The following ACP6 variants were observed in gnomAD, a reference collection of about 807,000 sequenced individuals.
ACP6 encodes the protein acid phosphatase 6, lysophosphatidic, also known as lysophosphatidic acid phosphatase type 6.
ACP6 carries 48 observed loss-of-function variants against 48.1 expected under a neutral mutation model. The observed-to-expected ratio is 1.00, with a 90% CI of 0.79 to 1.27. The LOEUF is 1.27. Ranked by LOEUF, ACP6 falls within the 50% of genes most tolerant of loss-of-function variation. The pLI, the probability that ACP6 is intolerant of heterozygous loss-of-function variation, is 0.00. For synonymous variants in ACP6, 172 were observed against 204.2 expected (o/e 0.84, Z 1.34); for missense variants, 485 against 529.1 (o/e 0.92, Z 0.82).
At chr1:147,662,175 G>A (rs1660579397) in intron 1 of ACP6, among the ~76,000 whole-genome samples, 1 of 152,202 alleles carries the variant, frequency 6.6e-6, no homozygotes, top group East Asian at 1.9e-4. Flanking sequence ...ACTGCTCATT[G>A]ACAATGCACC....
chr1:147,654,142 G>A (rs374778975), intron 6 of ACP6, 52 bp downstream of exon 6: 124 of 1,597,204 alleles, frequency 7.8e-5, no homozygotes, highest in Non-Finnish European at 1.0e-4. Flanking sequence ...TTCTAACTCC[G>A]GAGCCAGCCC....
At chr1:147,657,040 C>G (rs1660293322) in intron 4 of ACP6, among the ~76,000 whole-genome samples, 2 of 152,258 alleles carry the variant, frequency 1.3e-5, no homozygotes, top group South Asian at 2.1e-4. Context: ...TTGGTATCTG[C>G]CCGGGGAGAG....
Position 147,669,940 on chromosome 1 carries a change from C to T in ACP6, c.109G>A (p.Ala37Thr). 2 of 1,554,806 alleles carry T rather than the reference C, an allele frequency of 1.3e-6. No individual in the cohort carries two copies. The highest frequency in any genetic ancestry group is 1.7e-6 in the Non-Finnish European group (2 of 1,149,666). Residue 37 changes from alanine to threonine, a missense_variant, in exon 1 of 10, where the codon GCC becomes ACC. By Grantham distance (58) the Ala-to-Thr change is moderately conservative. Coordinates refer to ENST00000583509, the MANE Select transcript of ACP6 (RefSeq NM_016361.5). Reference protein sequence around the residue: ...RRVALAELQEADGQCPVDRSL... With the variant: ...RRVALAELQETDGQCPVDRSL... ...CGGTCGACCGGACACTGGCCATCGGCCTCCTGCAGCTCGGCCAGGGCCACC... is the reference window on the plus strand; with the variant it reads ...CGGTCGACCGGACACTGGCCATCGGTCTCCTGCAGCTCGGCCAGGGCCACC...
At position 147,647,504 on chromosome 1, in the gene ACP6, C is replaced by T. The variant is rs782505855; in HGVS notation, c.1206G>A (p.Met402Ile). The change falls in exon 10 of 10, where the codon ATG becomes ATA. Residue 402 changes from methionine to isoleucine, a missense_variant. Transcript: ENST00000583509. The stretch of plus-strand genomic sequence containing the variant: ...TTTCTGGGCTTAAGGTATAAACTGA[C>T]ATGGCATTCAAGAACATGTCCAGCG... Reference protein sequence around the residue: ...LCPLDMFLNAMSVYTLSPEKY... With the variant: ...LCPLDMFLNAISVYTLSPEKY... 13 of 1,614,024 alleles carry T rather than the reference C, an allele frequency of 8.1e-6. No homozygotes were observed. The East Asian group carries it at 2.5e-4, about 30-fold the overall frequency.
downstream of ACP6, among the ~76,000 whole-genome samples, chr1:147,639,559 G>A (rs1483182717): frequency 1.3e-5 from 2 of 152,124 alleles, no homozygotes; most frequent in South Asian, 2.1e-4. Context: ...TTCCTCCCAA[G>A]CTCAGCAATT....
At position 147,652,691 on chromosome 1, in the gene ACP6, C is replaced by T. The variant is rs1456216099; in HGVS notation, c.781-142G>A. The T allele has an allele frequency of 3.8e-6, 6 of 1,569,890 alleles. 1 individual carries two copies. In the African/African-American group the frequency reaches 8.3e-5, roughly 22 times the overall value. ...GCTCAAGAACAGCTATGTCTGTTAA[C>T]AGGTCAAGAAGCTATGTCTCTAAAG... On this transcript the variant is annotated intron_variant, in intron 6 of 9. Coordinates refer to ENST00000583509, the MANE Select transcript of ACP6 (RefSeq NM_016361.5).
intron 4 of ACP6, among the ~76,000 whole-genome samples, chr1:147,658,169 C>G (rs587756302): frequency 6.6e-6 from 1 of 152,202 alleles, no homozygotes; most frequent in Non-Finnish European, 1.5e-5. Flanking sequence ...GAGGGCAAGA[C>G]CAGATTCCTC....
Position 147,655,261 on chromosome 1 carries a change from G to A in ACP6, c.560-13C>T, listed in dbSNP as rs902787240. 5 of 1,588,806 alleles carry A rather than the reference G, an allele frequency of 3.1e-6. No homozygotes were observed. Among genetic ancestry groups the A allele is most frequent in the Non-Finnish European group, 2.6e-6 (3 of 1,164,370 alleles). On this transcript the variant is annotated splice_polypyrimidine_tract_variant and intron_variant, in intron 4 of 9. Transcript: ENST00000583509. ...ATGATGATGGGTCCTGGAAGAAAGG[G>A]AGGAAGCACAGGCAGGCAGAGGCTT...
downstream of ACP6, among the ~76,000 whole-genome samples, chr1:147,637,624 T>C (rs1659331430): frequency 6.6e-6 from 1 of 152,150 alleles, no homozygotes; most frequent in African/African-American, 2.4e-5. Context: ...AGGATAGCCA[T>C]TGCACATTTA....
chr1:147,657,466 G>C (rs7551847), intron 4 of ACP6, among the ~76,000 whole-genome samples: 30,880 of 152,000 alleles, frequency 0.2, 3,619 homozygotes, highest in African/African-American at 0.29. Flanking sequence ...TGTCACCCAG[G>C]CTGGAGTGCA....
chr1:147,659,569 C>A lies in ACP6; in HGVS notation c.349-43G>T, dbSNP rs782379923. 3.1e-6 allele frequency: 5 copies of A among 1,613,628 alleles called. No individual in the cohort carries two copies. The African/African-American group carries it at 5.3e-5, about 17-fold the overall frequency. On this transcript the variant is annotated intron_variant, in intron 2 of 9. Coordinates refer to ENST00000583509, the MANE Select transcript of ACP6 (RefSeq NM_016361.5). ...GAGAAAGAAGAATGAAAACACCTGA[C>A]AGCCTGCTGAACTCAGCCCAGAGAA... is the stretch of plus-strand genomic sequence containing the variant.
At chr1:147,640,023 C>T (rs1659407393), downstream of ACP6, among the ~76,000 whole-genome samples, 1 of 152,122 alleles carries the variant, frequency 6.6e-6, no homozygotes, top group African/African-American at 2.4e-5. Flanking sequence ...TCTTGGCTTA[C>T]AGTAAGCTGC....
intron 9 of ACP6, chr1:147,648,019 G>C: frequency 1.8e-6 from 1 of 570,306 alleles, no homozygotes; most frequent in African/African-American, 1.9e-5. Context: ...GTTCCTAGGA[G>C]TCTGTAACAG....
In ACP6 at chr1:147,659,861, T is replaced by C. The variant is rs1215341483; in HGVS notation, c.220-86A>G. ...TAACATCTCAAGCACTCAGAACACA[T>C]GGCTGGAATCACTGACACTAGGCCT... On this transcript the variant is annotated intron_variant, in intron 1 of 9. Coordinates refer to ENST00000583509, the MANE Select transcript of ACP6 (RefSeq NM_016361.5). 8 of 1,502,368 alleles carry C rather than the reference T, an allele frequency of 5.3e-6. No homozygotes were observed. In the East Asian group the frequency reaches 1.4e-4, roughly 26 times the overall value. The allele number at this position is 1,502,368 out of a possible 1,614,324, so 93.1% of individuals were successfully genotyped here.
chr1:147,655,933 CAGAG>C (rs1553211541), intron 4 of ACP6, among the ~76,000 whole-genome samples: 3 of 152,122 alleles, frequency 2.0e-5, no homozygotes, highest in East Asian at 3.9e-4. Context: ...TGCTCTGTGT[CAGAG>C]ATGGCAAGTG....
At chr1:147,631,867 C>A (rs1659173685) in intron 5 of ACP6, among the ~76,000 whole-genome samples, 1 of 152,066 alleles carries the variant, frequency 6.6e-6, no homozygotes, top group South Asian at 2.1e-4. Context: ...CACTTTCTTC[C>A]TTAAGACCCT....
chr1:147,638,214 G>A (rs115262679), downstream of ACP6, among the ~76,000 whole-genome samples: 22 of 152,266 alleles, frequency 1.4e-4, no homozygotes, highest in Non-Finnish European at 2.5e-4. Context: ...ACAAATAATC[G>A]CTAATATTGT....
intron 5 of ACP6, among the ~76,000 whole-genome samples, chr1:147,635,450 C>T (rs78712378): frequency 0.027 from 4,099 of 152,330 alleles, 79 homozygotes; most frequent in Non-Finnish European, 0.043. Context: ...CTCCCCCAGA[C>T]GCTGAGCCTA....
rs1355972152 is a variant in ACP6 at position 147,642,645 on chromosome 1, G to C, written c.*4778C>G. On this transcript the variant is annotated 3_prime_UTR_variant, in exon 10 of 10. Transcript: ENST00000583509. Reference sequence around the variant, plus strand: ...GGGTGGCCTTGGGCCCCGGAGAGAAGTGACAGAGGGGATATGTCATTCAAA... The same window carrying C: ...GGGTGGCCTTGGGCCCCGGAGAGAACTGACAGAGGGGATATGTCATTCAAA... 6.6e-6 allele frequency: 1 copy of C among 152,186 alleles called. No homozygotes were observed. Among genetic ancestry groups the C allele is most frequent in the African/African-American group, 2.4e-5 (1 of 41,428 alleles). 9.4% of individuals were successfully genotyped at this position (152,186 alleles called of 1,614,324 possible).
Sources: allele counts gnomAD v4.1 joint callset (sites outside exome capture counted in the v4.1 genomes callset), GRCh38; gene constraint gnomAD v4.1.1; transcripts MANE v1.5; gene names NCBI Gene and HGNC (gene_info 2026-07-23, HGNC 2026-07-21).